Variants in SH3PXD2A observed in about 807,000 individuals in gnomAD.
SH3PXD2A encodes the protein SH3 and PX domains 2A.
In SH3PXD2A, 32 loss-of-function variants were observed where a neutral mutation model predicts 115.2. The observed-to-expected ratio is 0.28, with a 90% confidence interval of 0.21 to 0.37. The LOEUF is 0.37. Ranked by LOEUF, SH3PXD2A falls within the 10% of genes least tolerant of loss-of-function variation. SH3PXD2A has a pLI of 1.00. For missense variants in SH3PXD2A, 1,328 were observed against 1,498.7 expected (o/e 0.89, Z 1.88); for synonymous variants, 610 against 629.1 (o/e 0.97, Z 0.45).
intron 7 of SH3PXD2A, chr10:103,661,707 C>G (rs576708017): frequency 3.9e-5 from 38 of 985,210 alleles, no homozygotes; most frequent in Non-Finnish European, 4.6e-5. Flanking sequence ...AGCTTCTCCA[C>G]GGCCCAGGCC....
At position 103,783,858 on chromosome 10, in the gene SH3PXD2A, T is replaced by C. The variant is rs1589453196; in HGVS notation, c.154-16689A>G. Among the ~76,000 whole-genome samples, 3 of 152,286 alleles carry C rather than the reference T, an allele frequency of 2.0e-5. No individual in the cohort carries two copies. In the East Asian group the frequency reaches 5.8e-4, roughly 29 times the overall value. Reference sequence around the variant, plus strand: ...TCGGGCAGTGTTGCCAGGGAAGCCTTGTAAAGCAGCCCCCGCAGTGAGGCG... The same window carrying C: ...TCGGGCAGTGTTGCCAGGGAAGCCTCGTAAAGCAGCCCCCGCAGTGAGGCG... On this transcript the variant is annotated intron_variant, in intron 2 of 14. Coordinates refer to ENST00000369774, the MANE Select transcript of SH3PXD2A (RefSeq NM_001394015.1).
At chr10:103,801,664 T>A (rs1057120119) in intron 1 of SH3PXD2A, among the ~76,000 whole-genome samples, 9 of 152,216 alleles carry the variant, frequency 5.9e-5, no homozygotes, top group Non-Finnish European at 1.3e-4. Flanking sequence ...TTTATTTGTA[T>A]ATATTTCATA....
At chr10:103,791,451 T>A (rs1228386863) in intron 2 of SH3PXD2A, among the ~76,000 whole-genome samples, 28 of 152,182 alleles carry the variant, frequency 1.8e-4, no homozygotes, top group Non-Finnish European at 3.7e-4. Context: ...GCACGGTGCA[T>A]ATCTGACAAC....
intron 10 of SH3PXD2A, among the ~76,000 whole-genome samples, 153 bp downstream of exon 10, chr10:103,622,317 C>T (rs1210680790): frequency 1.3e-5 from 2 of 152,230 alleles, no homozygotes; most frequent in Non-Finnish European, 2.9e-5. Flanking sequence ...GCCCACCCCA[C>T]ACCAGCTGCA....
At chr10:103,764,524 T>C (rs2038734159) in intron 3 of SH3PXD2A, among the ~76,000 whole-genome samples, 1 of 152,164 alleles carries the variant, frequency 6.6e-6, no homozygotes, top group Admixed American at 6.5e-5. Context: ...CACATTTGCA[T>C]GGGAGCTGGA....
At chr10:103,725,221 G>C (rs1315588623) in intron 4 of SH3PXD2A, among the ~76,000 whole-genome samples, 3 of 152,232 alleles carry the variant, frequency 2.0e-5, no homozygotes, top group African/African-American at 4.8e-5. Flanking sequence ...ATGAAGGCCA[G>C]TGCGGCCTGA....
At chr10:103,754,578 AACT>A (rs1348011212) in intron 3 of SH3PXD2A, 1 of 151,636 alleles carries the variant, frequency 6.6e-6, no homozygotes, top group African/African-American at 2.4e-5. Context: ...CTTGGCCCAA[AACT>A]TCACCCCATC....
chr10:103,828,073 T>C (rs1397605825), intron 1 of SH3PXD2A, among the ~76,000 whole-genome samples: 1 of 152,218 alleles, frequency 6.6e-6, no homozygotes, highest in East Asian at 1.9e-4. Flanking sequence ...GCAGGGGCAC[T>C]GGCACATCTT....
rs1442811607 is a variant in SH3PXD2A, at chr10:103,665,950, C to T, written c.472+2658G>A. On this transcript the variant is annotated intron_variant, in intron 7 of 14. Coordinates refer to ENST00000369774, the MANE Select transcript of SH3PXD2A (RefSeq NM_001394015.1). The surrounding 1 kb of genome is among the most constrained non-coding windows in gnomAD (Gnocchi z 4.0). ...GGACCCTTGTGCTTTATTACAGAGCCCCTGGCTGGACCTGCTGGGGTCCCA... is the reference window on the plus strand; with the variant it reads ...GGACCCTTGTGCTTTATTACAGAGCTCCTGGCTGGACCTGCTGGGGTCCCA... Among the ~76,000 whole-genome samples, 1 of 152,092 alleles carries T rather than the reference C, an allele frequency of 6.6e-6. No homozygotes were observed. Among genetic ancestry groups the T allele is most frequent in the Admixed American group, 6.5e-5 (1 of 15,278 alleles).
chr10:103,668,472 G>A lies in SH3PXD2A; in HGVS notation c.472+136C>T, dbSNP rs562448857. On this transcript the variant is annotated intron_variant, in intron 7 of 14. Coordinates refer to ENST00000369774, the MANE Select transcript of SH3PXD2A (RefSeq NM_001394015.1). ...GGGGAGGCAGAGGGCACAGCAAGTGGCAGACCCCCTGCCATGCTGGCAAAC... is the reference window on the plus strand; with the variant it reads ...GGGGAGGCAGAGGGCACAGCAAGTGACAGACCCCCTGCCATGCTGGCAAAC... The A allele has an allele frequency of 2.5e-3, 1,886 of 764,172 alleles. 4 individuals carry two copies. The highest frequency in any genetic ancestry group is 3.2e-3 in the Non-Finnish European group (1,443 of 449,674). The allele number at this position is 764,172 out of a possible 1,614,324, so 47.3% of individuals were successfully genotyped here.
intron 4 of SH3PXD2A, among the ~76,000 whole-genome samples, chr10:103,734,208 T>A (rs1589434377): frequency 1.3e-5 from 2 of 152,176 alleles, no homozygotes; most frequent in Non-Finnish European, 2.9e-5. Flanking sequence ...CCAGCACTTG[T>A]GAAATTTTAT....
At chr10:103,767,028 G>T (rs1165547728) in intron 3 of SH3PXD2A, 66 bp downstream of exon 3, 2 of 1,224,314 alleles carry the variant, frequency 1.6e-6, no homozygotes, top group African/African-American at 1.5e-5. Context: ...ACTCTTCTCG[G>T]CCTAAGGGAA....
chr10:103,784,953 G>A lies in SH3PXD2A; in HGVS notation c.153+16329C>T, dbSNP rs549360633. 5.3e-5 allele frequency among the ~76,000 whole-genome samples: 8 copies of A among 152,266 alleles called. No homozygotes were observed. Among genetic ancestry groups the A allele is most frequent in the Non-Finnish European group, 7.4e-5 (5 of 68,014 alleles). ...GGGTAACCAGTCTGCAGGTCAGCTCGGGTTGCATCTGTCTCCAGCCCCTCA... is the reference window on the plus strand; with the variant it reads ...GGGTAACCAGTCTGCAGGTCAGCTCAGGTTGCATCTGTCTCCAGCCCCTCA... On this transcript the variant is annotated intron_variant, in intron 2 of 14. Coordinates refer to ENST00000369774, the MANE Select transcript of SH3PXD2A (RefSeq NM_001394015.1). This position sits in a 1 kb window ranked among gnomAD's most constrained non-coding sequence, Gnocchi z 4.4.
At chr10:103,773,590 C>A (rs2038851981) in intron 2 of SH3PXD2A, among the ~76,000 whole-genome samples, 1 of 151,986 alleles carries the variant, frequency 6.6e-6, no homozygotes, top group Admixed American at 6.6e-5. Context: ...CAGGTGTGTG[C>A]CACCATGCCC....
intron 3 of SH3PXD2A, among the ~76,000 whole-genome samples, chr10:103,739,658 G>C (rs1400356034): frequency 6.6e-6 from 1 of 152,186 alleles, no homozygotes; most frequent in African/African-American, 2.4e-5. Context: ...GCCCGTTGAC[G>C]GCAGGGCTCA....
In SH3PXD2A at chr10:103,600,150, G is replaced by A. The variant is rs1564840032; in HGVS notation, c.*1666C>T. 6.5e-6 allele frequency: 1 copy of A among 152,812 alleles called. No homozygotes were observed. Among genetic ancestry groups the A allele is most frequent in the East Asian group, 1.9e-4 (1 of 5,184 alleles). The allele number at this position is 152,812 out of a possible 1,614,324, so 9.5% of individuals were successfully genotyped here. On this transcript the variant is annotated 3_prime_UTR_variant, in exon 15 of 15. Coordinates refer to ENST00000369774, the MANE Select transcript of SH3PXD2A (RefSeq NM_001394015.1). ...CAGGGACCCTGGCAGCTGAATCGGT[G>A]GCTGTGAGGCCCAATCTGTCCGAAA...
chr10:103,820,808 C>T (rs1290492031), intron 1 of SH3PXD2A, among the ~76,000 whole-genome samples: 3 of 152,184 alleles, frequency 2.0e-5, no homozygotes, highest in African/African-American at 7.2e-5. Context: ...TAGGGGCTGG[C>T]GCACATGGCC....
chr10:103,604,580 A>G (rs182180500), intron 14 of SH3PXD2A, among the ~76,000 whole-genome samples: 1 of 152,358 alleles, frequency 6.6e-6, no homozygotes, highest in Non-Finnish European at 1.5e-5. Context: ...TCCTGGAGGA[A>G]AAGGTCCTGG....
intron 6 of SH3PXD2A, among the ~76,000 whole-genome samples, chr10:103,669,522 C>T (rs894553246): frequency 2.0e-5 from 3 of 152,226 alleles, no homozygotes; most frequent in African/African-American, 7.2e-5. Flanking sequence ...GAGAAGAGGG[C>T]CACCATGTCA....
Sources: allele counts gnomAD v4.1 joint callset (sites outside exome capture counted in the v4.1 genomes callset), GRCh38; gene constraint gnomAD v4.1.1; non-coding constraint Gnocchi (gnomAD v3.1); transcripts MANE v1.5; gene names NCBI Gene and HGNC (gene_info 2026-07-23, HGNC 2026-07-21).